Variants in SLC24A3 observed in about 807,000 individuals in gnomAD.
SLC24A3 encodes the protein solute carrier family 24 member 3.
Under a neutral mutation model 75.8 loss-of-function variants are expected in SLC24A3, and 28 were observed. That is an observed-to-expected ratio of 0.37 (90% CI 0.27 to 0.51). SLC24A3 has a LOEUF of 0.51. SLC24A3 is among the 20% of genes least tolerant of loss of function. The pLI is 0.94. For missense variants in SLC24A3, 663 were observed against 847.8 expected (o/e 0.78, Z 2.71); for synonymous variants, 372 against 334.1 (o/e 1.11, Z -1.24).
At chr20:19,274,988 A>G (rs1983440140) in intron 1 of SLC24A3, among the ~76,000 whole-genome samples, 1 of 152,166 alleles carries the variant, frequency 6.6e-6, no homozygotes, top group African/African-American at 2.4e-5. Flanking sequence ...AGTTTTCCAG[A>G]CATTCTTTCT....
chr20:19,557,783 C>A (rs1444045094), intron 3 of SLC24A3, among the ~76,000 whole-genome samples: 2 of 152,190 alleles, frequency 1.3e-5, no homozygotes, highest in African/African-American at 4.8e-5. Context: ...TGACTTAAAT[C>A]TGTATTGTTT....
chr20:19,545,010 C>T (rs943682636), intron 3 of SLC24A3, among the ~76,000 whole-genome samples: 1 of 152,164 alleles, frequency 6.6e-6, no homozygotes, highest in Non-Finnish European at 1.5e-5. Context: ...AAGAATAAGG[C>T]TATATGGGCA....
At chr20:19,264,728 CAA>C (rs371253803) in intron 1 of SLC24A3, among the ~76,000 whole-genome samples, 3 of 98,022 alleles carry the variant, frequency 3.1e-5, no homozygotes, top group Admixed American at 1.2e-4. Flanking sequence ...GACTCCATCT[CAA>C]AAAAAAAAAA....
chr20:19,214,787 G>A (rs1254105174), intron 1 of SLC24A3, among the ~76,000 whole-genome samples: 1 of 152,168 alleles, frequency 6.6e-6, no homozygotes, highest in Admixed American at 6.5e-5. Context: ...CTCAGATTTA[G>A]TTCCATAGCA....
intron 2 of SLC24A3, among the ~76,000 whole-genome samples, chr20:19,500,580 T>C (rs570420092): frequency 6.6e-6 from 1 of 152,260 alleles, no homozygotes; most frequent in Non-Finnish European, 1.5e-5. Flanking sequence ...GAATTTATTT[T>C]AATAAATTTT....
chr20:19,281,013 A>G lies in SLC24A3; in HGVS notation c.197A>G (p.Lys66Arg), dbSNP rs1478022326. The G allele has an allele frequency of 6.2e-7, 1 of 1,614,136 alleles. No individual in the cohort carries two copies. The highest frequency in any genetic ancestry group is 8.5e-7 in the Non-Finnish European group (1 of 1,180,002). The change falls in exon 2 of 17, where the codon AAG becomes AGG. Residue 66 changes from lysine to arginine, a missense_variant. Coordinates refer to ENST00000328041, the MANE Select transcript of SLC24A3 (RefSeq NM_020689.4). ...GEDRKWMMAR[K>R]LMQVNDTLTS... Reference sequence around the variant, plus strand: ...GACAGAAAGTGGATGATGGCGAGGAAGCTGATGCAGGTGAACGACACTCTG... The same window carrying G: ...GACAGAAAGTGGATGATGGCGAGGAGGCTGATGCAGGTGAACGACACTCTG...
intron 2 of SLC24A3, among the ~76,000 whole-genome samples, chr20:19,380,520 C>T (rs1986162900): frequency 6.6e-6 from 1 of 152,144 alleles, no homozygotes; most frequent in African/African-American, 2.4e-5. Flanking sequence ...CTGCTGTGGA[C>T]TGGAAGGGGG....
intron 2 of SLC24A3, among the ~76,000 whole-genome samples, chr20:19,402,543 C>G (rs1044628726): frequency 1.3e-5 from 2 of 152,222 alleles, no homozygotes; most frequent in South Asian, 4.2e-4. Flanking sequence ...CAATATTAAG[C>G]GGGCCAACAT....
At chr20:19,311,588 G>A (rs1984458356) in intron 2 of SLC24A3, among the ~76,000 whole-genome samples, 1 of 152,048 alleles carries the variant, frequency 6.6e-6, no homozygotes. Context: ...ATCCTGGGAG[G>A]TGTGGGGTAA....
chr20:19,562,928 T>C (rs546091106), intron 3 of SLC24A3, among the ~76,000 whole-genome samples: 2 of 152,224 alleles, frequency 1.3e-5, no homozygotes, highest in African/African-American at 4.8e-5. Context: ...AAAGAAATGG[T>C]CCCAACCTGG....
intron 8 of SLC24A3, among the ~76,000 whole-genome samples, chr20:19,672,538 T>C (rs1013528080): frequency 6.6e-6 from 1 of 152,118 alleles, no homozygotes; most frequent in Non-Finnish European, 1.5e-5. Context: ...GGTCCTGTTA[T>C]GTTGCTCAGG....
intron 1 of SLC24A3, among the ~76,000 whole-genome samples, chr20:19,264,422 G>A (rs957790991): frequency 1.3e-5 from 2 of 152,128 alleles, no homozygotes; most frequent in Non-Finnish European, 2.9e-5. Context: ...CTGGCTCAGG[G>A]CCTTCCTGAG....
chr20:19,533,866 C>T (rs2030348094), intron 3 of SLC24A3, among the ~76,000 whole-genome samples: 3 of 152,220 alleles, frequency 2.0e-5, no homozygotes, highest in Admixed American at 2.0e-4. Context: ...CAGCTGCCTT[C>T]CCCCAGCTGT....
At chr20:19,236,060 A>G (rs565959468) in intron 1 of SLC24A3, among the ~76,000 whole-genome samples, 1 of 152,282 alleles carries the variant, frequency 6.6e-6, no homozygotes, top group East Asian at 1.9e-4. Context: ...CTTCTATCTC[A>G]TGGCGAACTT....
chr20:19,439,460 T>G (rs890249721), intron 2 of SLC24A3, among the ~76,000 whole-genome samples: 1 of 152,184 alleles, frequency 6.6e-6, no homozygotes, highest in African/African-American at 2.4e-5. Flanking sequence ...AAACCACAGA[T>G]AGATTTGGCT....
At chr20:19,439,889 T>G (rs1987270298) in intron 2 of SLC24A3, among the ~76,000 whole-genome samples, 1 of 152,190 alleles carries the variant, frequency 6.6e-6, no homozygotes, top group Non-Finnish European at 1.5e-5. Flanking sequence ...GGTCTTAAAC[T>G]GAGGAAGCTG....
intron 9 of SLC24A3, among the ~76,000 whole-genome samples, chr20:19,681,415 G>A (rs1413487480): frequency 6.6e-6 from 1 of 152,176 alleles, no homozygotes; most frequent in African/African-American, 2.4e-5. Flanking sequence ...GGAGTGGTGT[G>A]GATGAAGCAG....
intron 2 of SLC24A3, among the ~76,000 whole-genome samples, chr20:19,453,755 T>C (rs1434478060): frequency 6.6e-6 from 1 of 152,174 alleles, no homozygotes; most frequent in Non-Finnish European, 1.5e-5. Context: ...CACTCTAGCA[T>C]GGTGTCACCC....
At chr20:19,588,291 G>A (rs934825077) in intron 6 of SLC24A3, among the ~76,000 whole-genome samples, 8 of 152,196 alleles carry the variant, frequency 5.3e-5, no homozygotes, top group African/African-American at 1.9e-4. Context: ...ATTTCACTTA[G>A]CATTTTATTT....
Sources: allele counts gnomAD v4.1 joint callset (sites outside exome capture counted in the v4.1 genomes callset), GRCh38; gene constraint gnomAD v4.1.1; transcripts MANE v1.5; gene names NCBI Gene and HGNC (gene_info 2026-07-23, HGNC 2026-07-21).